Variants in CD109 observed in about 807,000 individuals in gnomAD.
CD109 encodes the protein CD109 antigen.
Under a neutral mutation model 165.8 loss-of-function variants are expected in CD109, and 149 were observed. The observed-to-expected ratio is 0.90, with a 90% CI of 0.79 to 1.03. The LOEUF (loss-of-function observed/expected upper bound fraction) is 1.03, where lower values mean the gene tolerates loss of function less well. Among genes scored for constraint, CD109 ranks in the 50% least tolerant of loss-of-function variants. CD109 has a pLI of 0.00. For synonymous variants in CD109, 585 were observed against 592.1 expected, an observed-to-expected ratio of 0.99 and a Z score of 0.18; for missense variants, 1,712 against 1,677.8, an observed-to-expected ratio of 1.02 and a Z score of -0.36.
chr6:73,703,859 G>A (rs1451733010), intron 2 of CD109, among the ~76,000 whole-genome samples: 1 of 152,164 alleles, frequency 6.6e-6, no homozygotes, highest in Non-Finnish European at 1.5e-5. Flanking sequence ...TAAAAAGGCT[G>A]ATTCATGGCC....
chr6:73,693,497 G>A (rs1292762616), upstream of CD109, among the ~76,000 whole-genome samples: 5 of 152,176 alleles, frequency 3.3e-5, no homozygotes, highest in Admixed American at 6.5e-5. Flanking sequence ...AGCTTTGGGC[G>A]ACAAACATCC....
At chr6:73,745,098 T>TTTTA (rs904693780) in intron 5 of CD109, among the ~76,000 whole-genome samples, 2 of 152,102 alleles carry the variant, frequency 1.3e-5, no homozygotes, top group African/African-American at 2.4e-5. Flanking sequence ...GCAATTGCTG[T>TTTTA]TTTATTTATT....
At chr6:73,722,704 T>G (rs28360541) in intron 2 of CD109, among the ~76,000 whole-genome samples, 51,497 of 152,050 alleles carry the variant, frequency 0.34, 10,415 homozygotes, top group Non-Finnish European at 0.46. Flanking sequence ...TTTTTCCCCT[T>G]GAAATAAATG....
intron 2 of CD109, among the ~76,000 whole-genome samples, chr6:73,721,694 G>A (rs1314947265): frequency 1.3e-5 from 2 of 151,772 alleles, no homozygotes; most frequent in Non-Finnish European, 2.9e-5. Flanking sequence ...ATTTTATTAA[G>A]CAAAGCTAAG....
At position 73,782,615 on chromosome 6, in the gene CD109, T is replaced by C. The variant is rs779656542; in HGVS notation, c.1965T>C (p.Tyr655=). ...NLTKDYIDGV[Y]DNAEYAERFM... is the part of the protein sequence containing the mutation. ...ACTACTGTCAATGTTTATTTATAGA[T>C]GACAATGCAGAATATGCTGAGAGGT... is the stretch of plus-strand genomic sequence containing the variant. The change falls in exon 18 of 33, where the codon TAT becomes TAC. Residue 655 remains tyrosine, a splice_region_variant and synonymous_variant. Coordinates refer to ENST00000287097, the MANE Select transcript of CD109 (RefSeq NM_133493.5). The C allele has an allele frequency of 5.0e-6, 8 of 1,612,262 alleles. No individual in the cohort carries two copies. Among genetic ancestry groups the C allele is most frequent in the Non-Finnish European group, 6.8e-6 (8 of 1,178,794 alleles).
chr6:73,795,590 G>A (rs1031021457), intron 23 of CD109, among the ~76,000 whole-genome samples: 2 of 152,168 alleles, frequency 1.3e-5, no homozygotes, highest in African/African-American at 4.8e-5. Flanking sequence ...TTGTTAGAAG[G>A]TACAGTGGCC....
the CD109 span, among the ~76,000 whole-genome samples, chr6:73,686,165 T>C: frequency 6.6e-6 from 1 of 152,236 alleles, no homozygotes; most frequent in African/African-American, 2.4e-5. Context: ...ATTGTTTCTG[T>C]GCTCCAACTA....
At chr6:73,698,302 A>G (rs536869310) in intron 2 of CD109, among the ~76,000 whole-genome samples, 2 of 152,174 alleles carry the variant, frequency 1.3e-5, no homozygotes, top group African/African-American at 2.4e-5. Context: ...AATACTTAAA[A>G]CATTTTTCAT....
At chr6:73,756,591 T>C in intron 5 of CD109, 52 bp from the exon 6 acceptor site, 1 of 1,255,312 alleles carries the variant, frequency 8.0e-7, no homozygotes, top group South Asian at 1.5e-5. Flanking sequence ...GCAAGCAAAA[T>C]AAATAAGAAC....
chr6:73,777,824 T>C (rs1032767944), intron 15 of CD109, among the ~76,000 whole-genome samples: 1 of 152,220 alleles, frequency 6.6e-6, no homozygotes, highest in Non-Finnish European at 1.5e-5. Flanking sequence ...AGCCTTGTAG[T>C]ACAGTTTGAA....
intron 23 of CD109, among the ~76,000 whole-genome samples, chr6:73,798,957 T>G (rs1212597114): frequency 6.6e-6 from 1 of 152,156 alleles, no homozygotes; most frequent in Non-Finnish European, 1.5e-5. Context: ...AAACCTATTT[T>G]CTTTTTTCTT....
chr6:73,749,310 G>A (rs752711995), intron 5 of CD109, among the ~76,000 whole-genome samples: 1 of 152,148 alleles, frequency 6.6e-6, no homozygotes, highest in African/African-American at 2.4e-5. Flanking sequence ...TAAAATAAGG[G>A]GTTTGGATCA....
At position 73,823,535 on chromosome 6, in the gene CD109, C is replaced by T. The variant is rs138417197; in HGVS notation, c.4240C>T (p.Arg1414Cys). 358 of 1,613,844 alleles carry T rather than the reference C, an allele frequency of 2.2e-4. 1 individual carries two copies. The highest frequency in any genetic ancestry group is 2.8e-4 in the Non-Finnish European group (334 of 1,179,946). The change falls in exon 33 of 33, where the codon CGT becomes TGT. Residue 1414 changes from arginine (R) to cysteine (C), a missense_variant. Transcript: ENST00000287097. ...CCTTTGCAGTGATGTCCAGGGCTGC[C>T]GTCCTTGTGAGGATGGAGCTTCAGG... ...CDLCSDVQGC[R>C]PCEDGASGSH...
At chr6:73,768,454 G>A (rs907007458) in intron 14 of CD109, among the ~76,000 whole-genome samples, 1 of 152,110 alleles carries the variant, frequency 6.6e-6, no homozygotes, top group South Asian at 2.1e-4. Flanking sequence ...TATGGTTCTG[G>A]TCTTTAAGAC....
At chr6:73,707,833 T>C (rs933443061) in intron 2 of CD109, among the ~76,000 whole-genome samples, 1 of 151,856 alleles carries the variant, frequency 6.6e-6, no homozygotes, top group Non-Finnish European at 1.5e-5. Context: ...AAATAAAATA[T>C]GTTATTAAAA....
At chr6:73,685,096 G>T in the CD109 span, among the ~76,000 whole-genome samples, 1 of 151,682 alleles carries the variant, frequency 6.6e-6, no homozygotes, top group Non-Finnish European at 1.5e-5. Context: ...TGGAGACGGG[G>T]TTTCACTGTG....
intron 3 of CD109, among the ~76,000 whole-genome samples, chr6:73,725,504 C>CTTTTTTTTTTTTTTTTTTT (rs386407559): frequency 2.2e-5 from 2 of 89,430 alleles, no homozygotes; most frequent in African/African-American, 4.8e-5. Context: ...TACTACACTT[C>CTTTTTTTTTTTTTTTTTTT]TTTTTTTTTT....
chr6:73,799,874 T>C (rs1337029396), intron 23 of CD109, among the ~76,000 whole-genome samples: 1 of 148,542 alleles, frequency 6.7e-6, no homozygotes, highest in Non-Finnish European at 1.5e-5. Context: ...TTTTTTTTTT[T>C]AAAGACAGGG....
At chr6:73,791,190 T>TAC (rs1260761363) in intron 22 of CD109, among the ~76,000 whole-genome samples, 33 of 13,522 alleles carry the variant, frequency 2.4e-3, no homozygotes, top group East Asian at 7.0e-3. Context: ...CACACACACA[T>TAC]ACATATATAT....
Sources: allele counts gnomAD v4.1 joint callset (sites outside exome capture counted in the v4.1 genomes callset), GRCh38; gene constraint gnomAD v4.1.1; transcripts MANE v1.5; gene names NCBI Gene and HGNC (gene_info 2026-07-23, HGNC 2026-07-21).